Variants in KLHL32 observed in about 807,000 individuals in gnomAD.
KLHL32 encodes the protein kelch like family member 32.
Under a neutral mutation model 64.8 loss-of-function variants are expected in KLHL32, and 35 were observed. The ratio of observed to expected loss-of-function variants is 0.54; its 90% CI spans 0.41 to 0.72. KLHL32 has a LOEUF of 0.72. KLHL32 is among the 30% of genes least tolerant of loss of function. The pLI, the probability that KLHL32 is intolerant of heterozygous loss-of-function variation, is 0.00. For synonymous variants in KLHL32, 259 were observed against 281.0 expected (o/e 0.92, Z 0.78); for missense variants, 589 against 768.5 (o/e 0.77, Z 2.76).
the KLHL32 span, among the ~76,000 whole-genome samples, chr6:96,916,945 C>T: frequency 6.6e-6 from 1 of 152,086 alleles, no homozygotes; most frequent in Admixed American, 6.6e-5. Flanking sequence ...GCATAAAACA[C>T]AAATATGCAA....
At chr6:97,043,877 C>T (rs1459841915) in intron 4 of KLHL32, among the ~76,000 whole-genome samples, 2 of 151,960 alleles carry the variant, frequency 1.3e-5, no homozygotes, top group Admixed American at 6.6e-5. Context: ...AGGTCCTTTG[C>T]CAGCTTTTTG....
rs112058637 is a variant in KLHL32 at position 97,050,532 on chromosome 6, C to T, written c.312+8933C>T. Among the ~76,000 whole-genome samples, 1,312 of 152,042 alleles carry T rather than the reference C, an allele frequency of 8.6e-3. 18 individuals are homozygous for T. Among genetic ancestry groups the T allele is most frequent in the African/African-American group, 0.031 (1,267 of 41,452 alleles). On this transcript the variant is annotated intron_variant, in intron 4 of 10. Coordinates refer to ENST00000369261, the MANE Select transcript of KLHL32 (RefSeq NM_052904.4). Reference sequence around the variant, plus strand: ...TTTCAGGCTTTTTTAAACCTTTGCTCAGATGTAAGGCAAGCAGGAAAATAG... The same window carrying T: ...TTTCAGGCTTTTTTAAACCTTTGCTTAGATGTAAGGCAAGCAGGAAAATAG...
intron 3 of KLHL32, among the ~76,000 whole-genome samples, chr6:97,025,633 G>A (rs1001501940): frequency 4.6e-5 from 7 of 151,998 alleles, no homozygotes; most frequent in Non-Finnish European, 8.8e-5. Context: ...TGAATTGAAG[G>A]GCCTACCAGT....
At chr6:96,919,612 T>G in the KLHL32 span, among the ~76,000 whole-genome samples, 2 of 152,202 alleles carry the variant, frequency 1.3e-5, no homozygotes, top group Admixed American at 1.3e-4. Flanking sequence ...TGATGCTTAT[T>G]ATTTTCCAAT....
At chr6:96,949,017 C>T (rs1457740209) in intron 1 of KLHL32, among the ~76,000 whole-genome samples, 1 of 152,114 alleles carries the variant, frequency 6.6e-6, no homozygotes, top group Non-Finnish European at 1.5e-5. Flanking sequence ...AGATTAATTT[C>T]ATTTCTTCAG....
intron 7 of KLHL32, among the ~76,000 whole-genome samples, chr6:97,117,165 A>T (rs1323764098): frequency 1.3e-5 from 2 of 152,214 alleles, no homozygotes; most frequent in African/African-American, 2.4e-5. Context: ...CCTTAACAAA[A>T]ATACAGGTAT....
In KLHL32 at chr6:97,041,535, T is replaced by C. The variant is rs754492469; in HGVS notation, c.248T>C (p.Val83Ala). The change falls in exon 4 of 11, where the codon GTT (valine) becomes GCT (alanine). Residue 83 changes from valine to alanine, a missense_variant. Around this residue, in one of 3 missense-constraint regions of KLHL32, gnomAD observed 191 missense variants for 223.3 expected, o/e 0.86. Transcript: ENST00000369261. ...ATGGTGGAAAGTGGAGCTGATGAGG[T>C]TAATTTGCACGGTGTGACCAGCCTT... ...LCMVESGADE[V>A]NLHGVTSLGL... The C allele has an allele frequency of 6.2e-7, 1 of 1,613,906 alleles. No homozygotes were observed. Among genetic ancestry groups the C allele is most frequent in the Non-Finnish European group, 8.5e-7 (1 of 1,179,852 alleles).
At chr6:97,032,502 G>T (rs937819140) in intron 3 of KLHL32, among the ~76,000 whole-genome samples, 1 of 152,118 alleles carries the variant, frequency 6.6e-6, no homozygotes, top group African/African-American at 2.4e-5. Context: ...TAGAAATGTC[G>T]ATTTTTAAAA....
chr6:97,055,743 G>C (rs928773552), intron 4 of KLHL32, among the ~76,000 whole-genome samples: 1 of 142,666 alleles, frequency 7.0e-6, no homozygotes, highest in East Asian at 2.1e-4. Flanking sequence ...GGTTGCAGTG[G>C]GCCGATATCG....
At chr6:96,931,028 C>T (rs536331925) in intron 1 of KLHL32, among the ~76,000 whole-genome samples, 6 of 152,148 alleles carry the variant, frequency 3.9e-5, no homozygotes, top group Non-Finnish European at 5.9e-5. Flanking sequence ...CTAGAGCCCA[C>T]ATCTTTCTTG....
chr6:96,982,329 G>A lies in KLHL32; in HGVS notation c.204+6152G>A, dbSNP rs138221706. The stretch of plus-strand genomic sequence containing the variant: ...TGCCCTTCTTTGTCTTCTTTTATTG[G>A]TGTTGCCTTAAAGTCTGTTTTGTCT... On this transcript the variant is annotated intron_variant, in intron 3 of 10. Transcript: ENST00000369261. 9.2e-3 allele frequency among the ~76,000 whole-genome samples: 1,407 copies of A among 152,118 alleles called. 73 individuals are homozygous for A. Among genetic ancestry groups the A allele is most frequent in the Admixed American group, 0.086 (1,309 of 15,266 alleles).
chr6:96,992,906 G>A (rs956309929), intron 3 of KLHL32, among the ~76,000 whole-genome samples: 6 of 152,204 alleles, frequency 3.9e-5, no homozygotes, highest in African/African-American at 7.2e-5. Flanking sequence ...AAGTTGTGCC[G>A]TTTCCACTTA....
chr6:96,994,359 G>A (rs542689979), intron 3 of KLHL32: 3 of 346,880 alleles, frequency 8.6e-6, no homozygotes, highest in South Asian at 1.2e-4. Flanking sequence ...ATATTTTATA[G>A]TTCCATTTAT....
At chr6:97,042,087 A>G (rs550914373) in intron 4 of KLHL32, among the ~76,000 whole-genome samples, 1 of 152,354 alleles carries the variant, frequency 6.6e-6, no homozygotes, top group Admixed American at 6.5e-5. Flanking sequence ...TACATTAATG[A>G]CCAAAGTTGT....
At chr6:97,032,443 A>G (rs1042996331) in intron 3 of KLHL32, among the ~76,000 whole-genome samples, 1 of 152,202 alleles carries the variant, frequency 6.6e-6, no homozygotes, top group African/African-American at 2.4e-5. Flanking sequence ...CTCTCTGATG[A>G]GGATCCCTAT....
rs909452711 is a variant in KLHL32, at chr6:96,991,696, G to A, written c.204+15519G>A. Among the ~76,000 whole-genome samples, 6 of 152,224 alleles carry A rather than the reference G, an allele frequency of 3.9e-5. No homozygotes were observed. The East Asian group carries it at 1.2e-3, about 29-fold the overall frequency. On this transcript the variant is annotated intron_variant, in intron 3 of 10. Transcript: ENST00000369261. ...TGATCACTGCGTTCCTTCCCAAGCC[G>A]GAGAGCCACAGGAGCGAGGGCTTCA...
intron 5 of KLHL32, among the ~76,000 whole-genome samples, chr6:97,074,022 A>G (rs1169958104): frequency 6.6e-6 from 1 of 152,200 alleles, no homozygotes; most frequent in Non-Finnish European, 1.5e-5. Flanking sequence ...CTCAGTCCTG[A>G]ACATTCAGTA....
rs917747728 is a variant in KLHL32 at position 97,017,607 on chromosome 6, A to C, written c.205-23885A>C. 2.3e-3 allele frequency among the ~76,000 whole-genome samples: 355 copies of C among 152,236 alleles called. 12 individuals are homozygous for C. The highest frequency in any genetic ancestry group is 0.023 in the Admixed American group (353 of 15,286). ...ATCTTGAAGTTGTGATAGACAAGCCAGACTATTCTGGAAATTATAGAAACA... is the reference window on the plus strand; with the variant it reads ...ATCTTGAAGTTGTGATAGACAAGCCCGACTATTCTGGAAATTATAGAAACA... On this transcript the variant is annotated intron_variant, in intron 3 of 10. Coordinates refer to ENST00000369261, the MANE Select transcript of KLHL32 (RefSeq NM_052904.4).
At chr6:96,967,427 A>G (rs113132943) in intron 2 of KLHL32, among the ~76,000 whole-genome samples, 11 of 150,710 alleles carry the variant, frequency 7.3e-5, no homozygotes, top group East Asian at 1.9e-4. Flanking sequence ...GTGTGTGTGT[A>G]TATATATATA....
Sources: allele counts gnomAD v4.1 joint callset (sites outside exome capture counted in the v4.1 genomes callset), GRCh38; gene constraint gnomAD v4.1.1; regional missense constraint gnomAD v4.1.1; transcripts MANE v1.5; gene names NCBI Gene and HGNC (gene_info 2026-07-23, HGNC 2026-07-21).